Variants in RAB3C observed in about 807,000 individuals in gnomAD.
RAB3C encodes ras-related protein Rab-3C.
Under a neutral mutation model 26.4 loss-of-function variants are expected in RAB3C, and 17 were observed. The ratio of observed to expected loss-of-function variants is 0.64; its 90% CI spans 0.44 to 0.97. The LOEUF (loss-of-function observed/expected upper bound fraction) is 0.97, where lower values mean the gene tolerates loss of function less well. Ranked by LOEUF, RAB3C falls within the 50% of genes least tolerant of loss-of-function variation. The probability of loss-of-function intolerance (pLI) is 0.00; values close to 1 mark genes in which losing one functional copy is unlikely to be tolerated. For synonymous variants in RAB3C, 91 were observed against 95.9 expected, an observed-to-expected ratio of 0.95 and a Z score of 0.30; for missense variants, 242 against 281.9, an observed-to-expected ratio of 0.86 and a Z score of 1.01.
chr5:58,848,115 A>G (rs1187779470), intron 4 of RAB3C, among the ~76,000 whole-genome samples: 12 of 152,132 alleles, frequency 7.9e-5, no homozygotes, highest in Admixed American at 7.9e-4. Context: ...CTCAGCCTCC[A>G]AAAGTGCTGG....
intron 1 of RAB3C, among the ~76,000 whole-genome samples, chr5:58,594,874 G>A (rs1746214933): frequency 2.3e-5 from 3 of 131,602 alleles, no homozygotes; most frequent in Admixed American, 8.1e-5. Flanking sequence ...TTTTACCCCA[G>A]TGGGAATTTT....
chr5:58,593,468 A>G (rs867030607), intron 1 of RAB3C, among the ~76,000 whole-genome samples: 11 of 152,280 alleles, frequency 7.2e-5, no homozygotes, highest in Middle Eastern at 3.4e-3. Context: ...ATATTTTTGG[A>G]AAAATACTTA....
In RAB3C at chr5:58,825,144, C is replaced by T. The variant is rs770385547; in HGVS notation, c.478C>T (p.His160Tyr). ...ERVISTERGQ[H>Y]LGEQLGFEFF... The stretch of plus-strand genomic sequence containing the variant: ...GGTCATCTCAACTGAGCGAGGTCAA[C>T]ATTTAGGAGAACAGCTTGGTAAGAA... Residue 160 changes from histidine (H) to tyrosine (Y), a missense_variant, in exon 4 of 5, where the codon CAT (histidine) becomes TAT (tyrosine). Physicochemically the swap from His to Tyr is moderately conservative, Grantham distance 83 (BLOSUM62 2). Transcript: ENST00000282878. 19 of 1,610,756 alleles carry T rather than the reference C, an allele frequency of 1.2e-5. No homozygotes were observed. Among genetic ancestry groups the T allele is most frequent in the Non-Finnish European group, 1.4e-5 (16 of 1,178,406 alleles).
At chr5:58,776,318 T>C (rs765681037) in intron 3 of RAB3C, among the ~76,000 whole-genome samples, 5 of 152,124 alleles carry the variant, frequency 3.3e-5, no homozygotes, top group African/African-American at 4.8e-5. Flanking sequence ...CCAAACTCTT[T>C]TGATGAAACT....
chr5:58,798,093 C>G (rs199542055), intron 3 of RAB3C, among the ~76,000 whole-genome samples: 186 of 41,188 alleles, frequency 4.5e-3, no homozygotes, highest in South Asian at 0.015. Context: ...ACATACTTGG[C>G]GGGGGGGCCT....
At position 58,813,790 on chromosome 5, in the gene RAB3C, C is replaced by A. The variant is rs73088958; in HGVS notation, c.372-11248C>A. Among the ~76,000 whole-genome samples the A allele has an allele frequency of 8.7e-3, 623 of 71,210 alleles. 5 individuals are homozygous for A. Among genetic ancestry groups the A allele is most frequent in the African/African-American group, 0.052 (599 of 11,528 alleles). The allele number at this position is 71,210 out of a possible 152,430, so 46.7% of individuals were successfully genotyped here. A position where few individuals can be genotyped will look rare whatever the true frequency, so the allele number is the denominator to read the frequency against. Reference sequence around the variant, plus strand: ...GGGATATTCAGTGAATGCACACATACAGGCAATCAGGAATGCAGAAATGAA... The same window carrying A: ...GGGATATTCAGTGAATGCACACATAAAGGCAATCAGGAATGCAGAAATGAA... On this transcript the variant is annotated intron_variant, in intron 3 of 4. Transcript: ENST00000282878.
intron 2 of RAB3C, among the ~76,000 whole-genome samples, chr5:58,724,331 G>A (rs553236894): frequency 7.2e-5 from 11 of 151,872 alleles, no homozygotes; most frequent in African/African-American, 2.2e-4. Flanking sequence ...ACATTCCTCG[G>A]CTATCTAATG....
At chr5:58,664,557 T>G (rs917492858) in intron 2 of RAB3C, among the ~76,000 whole-genome samples, 1 of 152,106 alleles carries the variant, frequency 6.6e-6, no homozygotes, top group Non-Finnish European at 1.5e-5. Flanking sequence ...TCTGTAACAT[T>G]TGACTGTATC....
intron 3 of RAB3C, among the ~76,000 whole-genome samples, chr5:58,740,937 G>C (rs996135032): frequency 1.3e-5 from 2 of 152,132 alleles, no homozygotes; most frequent in South Asian, 2.1e-4. Context: ...TCTGACACCA[G>C]CTGCAAATTT....
chr5:58,806,144 G>C (rs962957216), intron 3 of RAB3C, among the ~76,000 whole-genome samples: 1 of 152,228 alleles, frequency 6.6e-6, no homozygotes, highest in African/African-American at 2.4e-5. Context: ...AGATTCCCTA[G>C]GTTTGTGCCC....
chr5:58,743,307 G>A (rs1318673025), intron 3 of RAB3C, among the ~76,000 whole-genome samples: 1 of 151,998 alleles, frequency 6.6e-6, no homozygotes, highest in Non-Finnish European at 1.5e-5. Flanking sequence ...CCATATATTA[G>A]AGTCTCCTGG....
chr5:58,727,227 G>C (rs1740910453), intron 3 of RAB3C, among the ~76,000 whole-genome samples: 2 of 151,484 alleles, frequency 1.3e-5, no homozygotes, highest in Admixed American at 6.6e-5. Context: ...ATTTGCTTTT[G>C]CTTTTTTCTT....
At chr5:58,612,948 C>T (rs1002763468) in intron 1 of RAB3C, among the ~76,000 whole-genome samples, 33 of 152,052 alleles carry the variant, frequency 2.2e-4, no homozygotes, top group Admixed American at 1.1e-3. Flanking sequence ...CAGTATGAAA[C>T]GTAATAACTT....
At position 58,851,165 on chromosome 5, in the gene RAB3C, G is replaced by C. The variant is rs145394451; in HGVS notation, c.498G>C (p.Gly166=). Residue 166 remains glycine (G), a splice_region_variant and synonymous_variant, in exon 5 of 5, where the codon GGG becomes GGC. Transcript: ENST00000282878. ...ERGQHLGEQL[G]FEFFETSAKD... ...TGTGTTTCTGTGTGTTTCTTCCAGG[G>C]TTTGAGTTTTTTGAAACAAGTGCCA... 5 of 1,591,192 alleles carry C rather than the reference G, an allele frequency of 3.1e-6. No individual in the cohort carries two copies. The African/African-American group carries it at 6.8e-5, about 22-fold the overall frequency.
chr5:58,613,834 C>T (rs1270410854), intron 1 of RAB3C, among the ~76,000 whole-genome samples: 1 of 151,954 alleles, frequency 6.6e-6, no homozygotes, highest in African/African-American at 2.4e-5. Flanking sequence ...CAGACACGTC[C>T]TATGTGGAAG....
intron 2 of RAB3C, among the ~76,000 whole-genome samples, chr5:58,643,189 A>G (rs1371715102): frequency 6.6e-6 from 1 of 152,228 alleles, no homozygotes; most frequent in Non-Finnish European, 1.5e-5. Context: ...AGCATGGGGC[A>G]TGTGGCTGAG....
chr5:58,809,354 G>A (rs1316800182), intron 3 of RAB3C, among the ~76,000 whole-genome samples: 2 of 142,998 alleles, frequency 1.4e-5, no homozygotes, highest in Non-Finnish European at 3.0e-5. Context: ...AAAGAAAAAA[G>A]GATTTCTGGT....
intron 3 of RAB3C, among the ~76,000 whole-genome samples, chr5:58,743,333 A>G (rs1741319543): frequency 6.6e-6 from 1 of 152,132 alleles, no homozygotes; most frequent in Non-Finnish European, 1.5e-5. Flanking sequence ...TTTTAAAGGC[A>G]TATTTATCTT....
At chr5:58,823,420 G>C (rs1743392976) in intron 3 of RAB3C, 1 of 160,872 alleles carries the variant, frequency 6.2e-6, no homozygotes, top group African/African-American at 2.4e-5. Flanking sequence ...GCTACTCAGG[G>C]GGCTGAGGCG....
Sources: gnomAD v4.1 joint callset for allele counts (sites outside exome capture counted in the v4.1 genomes callset) on GRCh38, gnomAD v4.1.1 for gene constraint, MANE v1.5 for transcripts, NCBI Gene and HGNC (gene_info 2026-07-23, HGNC 2026-07-21) for gene names.